The following SLC48A1 variants were observed in gnomAD, a reference collection of about 807,000 sequenced individuals.
SLC48A1 encodes the protein heme transporter HRG1.
A neutral mutation model predicts 14.8 loss-of-function variants in SLC48A1; 6 were observed. That is an observed-to-expected ratio of 0.41 (90% CI 0.22 to 0.80). The LOEUF is 0.80. Among genes scored for constraint, SLC48A1 ranks in the 30% least tolerant of loss-of-function variants. The pLI is 0.34. For synonymous variants in SLC48A1, 89 were observed against 90.0 expected (o/e 0.99, Z 0.06); for missense variants, 165 against 204.8 (o/e 0.81, Z 1.19).
upstream of SLC48A1, chr12:47,770,932 C>G (rs753916494): frequency 2.2e-6 from 1 of 456,664 alleles, no homozygotes; most frequent in South Asian, 1.5e-5. Context: ...GGAGTACTGT[C>G]CATCCTGGCC....
chr12:47,769,739 A>G (rs748035527), upstream of SLC48A1: 3 of 152,110 alleles, frequency 2.0e-5, no homozygotes, highest in Non-Finnish European at 4.4e-5. Context: ...GTGATGTTTC[A>G]TCATCATTCC....
chr12:47,769,649 G>A (rs986856466), upstream of SLC48A1: 1 of 152,180 alleles, frequency 6.6e-6, no homozygotes, highest in Admixed American at 6.5e-5. Context: ...TTCAACAGCA[G>A]CAGCAATAAT....
chr12:47,770,501 C>T (rs918989512), upstream of SLC48A1, among the ~76,000 whole-genome samples: 53 of 152,328 alleles, frequency 3.5e-4, no homozygotes, highest in African/African-American at 1.2e-3. Flanking sequence ...TACTTCCTGA[C>T]ATTTATTGAG....
chr12:47,755,337 C>T (rs1941990703), upstream of SLC48A1, among the ~76,000 whole-genome samples: 1 of 152,140 alleles, frequency 6.6e-6, no homozygotes, highest in Non-Finnish European at 1.5e-5. Context: ...TAAAGGCAAA[C>T]CTCTTTCAAT....
chr12:47,757,080 G>A (rs1401422627), upstream of SLC48A1, among the ~76,000 whole-genome samples: 1 of 152,142 alleles, frequency 6.6e-6, no homozygotes, highest in Non-Finnish European at 1.5e-5. Flanking sequence ...GATTGCTTGG[G>A]CCTAGGAGTT....
intron 1 of SLC48A1, among the ~76,000 whole-genome samples, chr12:47,773,830 G>GCA (rs531358691): frequency 3.8e-3 from 519 of 137,638 alleles, no homozygotes; most frequent in Non-Finnish European, 6.7e-3. Context: ...ACACACACAC[G>GCA]CACACACACA....
At chr12:47,765,197 C>T (rs2136849196) in intron 2 of SLC48A1, among the ~76,000 whole-genome samples, 1 of 148,732 alleles carries the variant, frequency 6.7e-6, no homozygotes, top group Non-Finnish European at 1.5e-5. Flanking sequence ...AAGTGGGATC[C>T]AGAGAGAGAA....
chr12:47,759,286 G>C (rs1391327275), intron 1 of SLC48A1: 6 of 207,272 alleles, frequency 2.9e-5, no homozygotes, highest in African/African-American at 1.2e-4. Flanking sequence ...CCGGCTGGGG[G>C]TGTCTGCCTC....
chr12:47,770,496 C>T (rs971918311), upstream of SLC48A1, among the ~76,000 whole-genome samples: 2 of 152,202 alleles, frequency 1.3e-5, no homozygotes, highest in African/African-American at 2.4e-5. Flanking sequence ...AATTCTACTT[C>T]CTGACATTTA....
chr12:47,778,966 C>A, intron 1 of SLC48A1, 62 bp from the exon 2 acceptor site: 1 of 1,494,094 alleles, frequency 6.7e-7, no homozygotes, highest in Non-Finnish European at 9.0e-7. Flanking sequence ...TAGGCCTGGT[C>A]TAGTGGATCT....
chr12:47,766,604 G>T (rs1942519548), upstream of SLC48A1, among the ~76,000 whole-genome samples: 1 of 152,074 alleles, frequency 6.6e-6, no homozygotes, highest in Non-Finnish European at 1.5e-5. Context: ...CTGGGCCCTA[G>T]CTCCTTCATG....
upstream of SLC48A1, chr12:47,771,470 T>G (rs566536401): frequency 6.5e-6 from 1 of 153,616 alleles, no homozygotes; most frequent in African/African-American, 2.4e-5. Flanking sequence ...TCCCAGAACC[T>G]ATGAATATGT....
At position 47,782,281 on chromosome 12, in the gene SLC48A1, C is replaced by T. The variant is rs1195914410; in HGVS notation, c.*2000C>T. ...GGGAAGGAGCCATCAACAGTGTATA[C>T]TTCTGGAGCCTTCTACTGATAAACA... is the stretch of plus-strand genomic sequence containing the variant. On this transcript the variant is annotated 3_prime_UTR_variant, in exon 3 of 3. Transcript: ENST00000442218. 6.6e-6 allele frequency: 1 copy of T among 152,290 alleles called. No individual in the cohort carries two copies. The highest frequency in any genetic ancestry group is 2.4e-5 in the African/African-American group (1 of 41,458). 9.4% of individuals were successfully genotyped at this position (152,290 alleles called of 1,614,324 possible).
Position 47,781,101 on chromosome 12 carries a change from G to A in SLC48A1, c.*820G>A, listed in dbSNP as rs563660877. On this transcript the variant is annotated 3_prime_UTR_variant, in exon 3 of 3. Transcript: ENST00000442218. ...CCCCATCCCAGCACCCCATCCTGTT[G>A]TTCCCAGAGCTGGTCTCCCATGAGT... is the stretch of plus-strand genomic sequence containing the variant. 1 of 344,862 alleles carries A rather than the reference G, an allele frequency of 2.9e-6. No individual in the cohort carries two copies. Among genetic ancestry groups the A allele is most frequent in the South Asian group, 2.1e-5 (1 of 46,914 alleles). 21.4% of individuals were successfully genotyped at this position (344,862 alleles called of 1,614,324 possible).
chr12:47,757,799 C>T, upstream of SLC48A1: 3 of 1,430,518 alleles, frequency 2.1e-6, no homozygotes, highest in Non-Finnish European at 2.8e-6. Flanking sequence ...GCATGCCAAG[C>T]CATGATCTAG....
At chr12:47,778,902 C>T in intron 1 of SLC48A1, 126 bp from the exon 2 acceptor site, 1 of 1,162,486 alleles carries the variant, frequency 8.6e-7, no homozygotes, top group Non-Finnish European at 1.2e-6. Flanking sequence ...AAGGAAAACT[C>T]CATTCTATGA....
upstream of SLC48A1, chr12:47,768,744 A>G (rs76063277): frequency 6.6e-6 from 1 of 152,366 alleles, no homozygotes; most frequent in East Asian, 1.9e-4. Flanking sequence ...ATGTCTGCAG[A>G]TGGGGAATTA....
chr12:47,780,144 G>A lies in SLC48A1; in HGVS notation c.305-1G>A. On this transcript the variant is annotated splice_acceptor_variant, in intron 2 of 2. Transcript: ENST00000442218. LOFTEE classifies it high-confidence loss of function. ...CACTGTCGGTACTTCTCTCCCTGCA[G>A]GCCTCACAGACCCCACCAGCTACTA... 3 of 1,586,182 alleles carry A rather than the reference G, an allele frequency of 1.9e-6. No individual in the cohort carries two copies. The highest frequency in any genetic ancestry group is 2.6e-6 in the Non-Finnish European group (3 of 1,164,152).
intron 1 of SLC48A1, among the ~76,000 whole-genome samples, chr12:47,774,838 C>G (rs1189847322): frequency 6.6e-6 from 1 of 152,166 alleles, no homozygotes; most frequent in African/African-American, 2.4e-5. Flanking sequence ...CTACAGAGCC[C>G]TAGTTCCTTT....
Sources: gnomAD v4.1 joint callset for allele counts (sites outside exome capture counted in the v4.1 genomes callset) on GRCh38, gnomAD v4.1.1 for gene constraint, MANE v1.5 for transcripts, NCBI Gene and HGNC (gene_info 2026-07-23, HGNC 2026-07-21) for gene names.